CDH12: variants seen among roughly 807,000 people sequenced by gnomAD.
CDH12 encodes cadherin 12.
In CDH12, 41 loss-of-function variants were observed where a neutral mutation model predicts 74.1. That is an observed-to-expected ratio of 0.55 (90% CI 0.43 to 0.72). CDH12 has a LOEUF of 0.72. Among genes scored for constraint, CDH12 ranks in the 30% least tolerant of loss-of-function variants. The pLI, the probability that CDH12 is intolerant of heterozygous loss-of-function variation, is 0.00. For synonymous variants in CDH12, 399 were observed against 355.0 expected, an observed-to-expected ratio of 1.12 and a Z score of -1.39; for missense variants, 945 against 977.2, an observed-to-expected ratio of 0.97 and a Z score of 0.44.
At chr5:22,077,568 T>C (rs1308600520) in intron 5 of CDH12, among the ~76,000 whole-genome samples, 2 of 152,098 alleles carry the variant, frequency 1.3e-5, no homozygotes, top group Non-Finnish European at 2.9e-5. Flanking sequence ...TCAAAACCCA[T>C]GGCAATATCT....
At chr5:22,710,885 G>A (rs565169479) in intron 1 of CDH12, among the ~76,000 whole-genome samples, 1 of 152,152 alleles carries the variant, frequency 6.6e-6, no homozygotes, top group South Asian at 2.1e-4. Flanking sequence ...GGATTCTTGT[G>A]AGGGTTCAAA....
intron 1 of CDH12, among the ~76,000 whole-genome samples, chr5:22,800,783 C>T (rs560550422): frequency 6.6e-6 from 1 of 151,830 alleles, no homozygotes; most frequent in Non-Finnish European, 1.5e-5. Context: ...GTTATATATT[C>T]TAAGTCATAT....
In CDH12 at chr5:21,813,790, C is replaced by CT. The variant is rs563715673; in HGVS notation, c.1002+3154dup. Among the ~76,000 whole-genome samples the CT allele has an allele frequency of 3.3e-4, 51 of 152,246 alleles. No homozygotes were observed. The South Asian group carries it at 6.8e-3, about 20-fold the overall frequency. ...TCATATTCCCTTCTAATACAGAAGT[C>CT]TTTTTTTATTTTTCACCTCACTGTA... is the stretch of plus-strand genomic sequence containing the variant. On this transcript the variant is annotated intron_variant, in intron 9 of 14. Transcript: ENST00000382254.
intron 6 of CDH12, among the ~76,000 whole-genome samples, chr5:21,942,661 T>C (rs1755393773): frequency 6.6e-6 from 1 of 152,068 alleles, no homozygotes; most frequent in Non-Finnish European, 1.5e-5. Context: ...AGTATATATA[T>C]TCAAAGTTCT....
chr5:22,440,553 T>C (rs751704002), intron 2 of CDH12, among the ~76,000 whole-genome samples: 6 of 152,106 alleles, frequency 3.9e-5, no homozygotes, highest in Non-Finnish European at 5.9e-5. Context: ...AATTCCAAAA[T>C]CAGTTTCACT....
intron 6 of CDH12, among the ~76,000 whole-genome samples, chr5:21,866,394 C>T (rs1751327930): frequency 6.6e-6 from 1 of 152,156 alleles, no homozygotes; most frequent in Admixed American, 6.6e-5. Context: ...ATGGCTTTGA[C>T]CAAAACACTG....
chr5:22,203,634 T>C (rs370866171), intron 4 of CDH12, among the ~76,000 whole-genome samples: 1 of 152,190 alleles, frequency 6.6e-6, no homozygotes, highest in East Asian at 1.9e-4. Context: ...TGGGATCATA[T>C]GGTAGTTCTA....
chr5:22,375,947 T>C (rs1400482614), intron 3 of CDH12, among the ~76,000 whole-genome samples: 3 of 152,172 alleles, frequency 2.0e-5, no homozygotes, highest in Non-Finnish European at 2.9e-5. Context: ...GATCCAGCAA[T>C]CCTACTACTA....
chr5:22,148,699 TG>T (rs1208309056), intron 4 of CDH12, among the ~76,000 whole-genome samples: 2 of 152,222 alleles, frequency 1.3e-5, no homozygotes, highest in Non-Finnish European at 2.9e-5. Flanking sequence ...TGTCACTCCG[TG>T]GCATTCCTTG....
intron 2 of CDH12, among the ~76,000 whole-genome samples, chr5:22,443,393 C>A (rs1490905849): frequency 1.3e-5 from 2 of 152,076 alleles, no homozygotes; most frequent in East Asian, 3.9e-4. Context: ...TTGTTAAACC[C>A]TTAAACTATC....
chr5:22,787,615 AT>A (rs1747701983), intron 1 of CDH12, among the ~76,000 whole-genome samples: 1 of 152,090 alleles, frequency 6.6e-6, no homozygotes, highest in Non-Finnish European at 1.5e-5. Context: ...TAATAGTTTT[AT>A]TTTTAATAAA....
At chr5:22,285,505 G>T (rs909583655) in intron 3 of CDH12, among the ~76,000 whole-genome samples, 10 of 152,020 alleles carry the variant, frequency 6.6e-5, no homozygotes, top group Non-Finnish European at 1.3e-4. Flanking sequence ...ATGTAAAAGT[G>T]TGAAAAATCA....
At chr5:21,821,129 C>T (rs1748346209) in intron 8 of CDH12, among the ~76,000 whole-genome samples, 2 of 151,622 alleles carry the variant, frequency 1.3e-5, no homozygotes, top group Non-Finnish European at 2.9e-5. Context: ...GCTAAGTATC[C>T]TCTCAGTAAC....
At chr5:22,819,783 G>GA (rs980556024) in intron 1 of CDH12, among the ~76,000 whole-genome samples, 3 of 150,624 alleles carry the variant, frequency 2.0e-5, no homozygotes, top group African/African-American at 7.3e-5. Context: ...AATGGTCATA[G>GA]AAAAAACAGA....
intron 1 of CDH12, among the ~76,000 whole-genome samples, chr5:22,836,480 C>T (rs751946095): frequency 7.2e-5 from 11 of 151,868 alleles, no homozygotes; most frequent in Non-Finnish European, 1.3e-4. Flanking sequence ...CCACCTACCT[C>T]GGCCTTCCAA....
intron 6 of CDH12, among the ~76,000 whole-genome samples, chr5:21,948,058 G>C (rs974541527): frequency 1.8e-4 from 28 of 152,224 alleles, no homozygotes; most frequent in Non-Finnish European, 2.9e-4. Flanking sequence ...GATTTCACAG[G>C]TTGTATGGAA....
At chr5:22,460,623 G>A (rs1745459657) in intron 2 of CDH12, among the ~76,000 whole-genome samples, 1 of 150,916 alleles carries the variant, frequency 6.6e-6, no homozygotes, top group South Asian at 2.1e-4. Context: ...GTAATATCAA[G>A]AGTCTGGGAA....
intron 6 of CDH12, among the ~76,000 whole-genome samples, chr5:21,932,835 T>C (rs1754905388): frequency 6.6e-6 from 1 of 150,786 alleles, no homozygotes; most frequent in Non-Finnish European, 1.5e-5. Context: ...TAGTAGCAAA[T>C]GTTGCAATAC....
At chr5:21,865,010 G>C (rs2150011949) in intron 6 of CDH12, among the ~76,000 whole-genome samples, 1 of 152,246 alleles carries the variant, frequency 6.6e-6, no homozygotes, top group Non-Finnish European at 1.5e-5. Context: ...TTTCTTTGAA[G>C]AATGACATGA....
Sources: allele counts gnomAD v4.1 joint callset (sites outside exome capture counted in the v4.1 genomes callset), GRCh38; gene constraint gnomAD v4.1.1; transcripts MANE v1.5; gene names NCBI Gene and HGNC (gene_info 2026-07-23, HGNC 2026-07-21).